RP1: variants seen among roughly 807,000 people sequenced by gnomAD.
RP1 encodes RP1 axonemal microtubule associated.
A neutral mutation model predicts 14.8 loss-of-function variants in RP1; 16 were observed. That is an observed-to-expected ratio of 1.08 (90% CI 0.73 to 1.65). The LOEUF (loss-of-function observed/expected upper bound fraction) is 1.65, where lower values mean the gene tolerates loss of function less well. RP1 is among the 40% of genes most tolerant of loss of function. RP1 has a pLI of 0.00. For missense variants in RP1, 2,631 were observed against 2,535.0 expected (o/e 1.04, Z -0.81); for synonymous variants, 876 against 883.6 (o/e 0.99, Z 0.15).
chr8:54,752,804 C>G (rs1304662374), intron 19 of RP1, among the ~76,000 whole-genome samples: 1 of 152,178 alleles, frequency 6.6e-6, no homozygotes, highest in Non-Finnish European at 1.5e-5. Flanking sequence ...AAAACCCATA[C>G]AGATTTAGGG....
At chr8:54,624,443 C>CAAA (rs11332494) in intron 3 of RP1, among the ~76,000 whole-genome samples, 23 of 56,584 alleles carry the variant, frequency 4.1e-4, no homozygotes, top group Admixed American at 1.1e-3. Flanking sequence ...GACTCTGTCT[C>CAAA]AAAAAAAAAA....
exon 22 of RP1, chr8:54,759,046 C>A (rs1380967541): frequency 6.5e-7 from 1 of 1,535,388 alleles, no homozygotes; most frequent in East Asian, 2.4e-5. Flanking sequence ...GAGCCCGGCA[C>A]CACATCCGAG....
chr8:54,587,208 C>T (rs1374189430), intron 1 of RP1, among the ~76,000 whole-genome samples: 3 of 152,118 alleles, frequency 2.0e-5, no homozygotes, highest in Admixed American at 1.3e-4. Flanking sequence ...TGCAGAACAC[C>T]TGAGGTGAGG....
chr8:54,826,133 C>A (rs1002306861), intron 24 of RP1, among the ~76,000 whole-genome samples: 1 of 152,130 alleles, frequency 6.6e-6, no homozygotes, highest in African/African-American at 2.4e-5. Context: ...GAGAAAAAGG[C>A]AGCTTAGCCT....
intron 3 of RP1, among the ~76,000 whole-genome samples, chr8:54,637,470 A>G (rs934282971): frequency 3.3e-5 from 5 of 152,306 alleles, no homozygotes; most frequent in Non-Finnish European, 7.4e-5. Flanking sequence ...TACATTTATA[A>G]CTAGTTTTAA....
At chr8:54,655,270 T>G (rs1806731886) in intron 5 of RP1, among the ~76,000 whole-genome samples, 1 of 152,216 alleles carries the variant, frequency 6.6e-6, no homozygotes, top group Non-Finnish European at 1.5e-5. Flanking sequence ...TATTCACTAT[T>G]TTGTGACATC....
intron 1 of RP1, among the ~76,000 whole-genome samples, chr8:54,595,617 T>G (rs186735761): frequency 6.6e-6 from 1 of 152,318 alleles, no homozygotes; most frequent in East Asian, 1.9e-4. Flanking sequence ...TCCAATAATT[T>G]ATTTGAAATC....
At chr8:54,852,683 A>T in exon 26 of RP1, 2 of 1,232,096 alleles carry the variant, frequency 1.6e-6, no homozygotes, top group African/African-American at 3.1e-5. Context: ...GAAAACGAAG[A>T]CTTCATCAGT....
At chr8:54,870,352 A>G (rs768906293) in exon 29 of RP1, 107 of 156,228 alleles carry the variant, frequency 6.8e-4, no homozygotes, top group Non-Finnish European at 4.5e-4. Context: ...GGTACCTAAT[A>G]ACATTTGATG....
At chr8:54,644,189 AG>A (rs759596483) in intron 3 of RP1, among the ~76,000 whole-genome samples, 2 of 152,196 alleles carry the variant, frequency 1.3e-5, no homozygotes, top group Non-Finnish European at 2.9e-5. Context: ...CCATTCCAAA[AG>A]GAAGAAACTG....
At chr8:54,584,446 G>T (rs1037449448) in intron 1 of RP1, among the ~76,000 whole-genome samples, 1 of 152,216 alleles carries the variant, frequency 6.6e-6, no homozygotes, top group Non-Finnish European at 1.5e-5. Context: ...TGGAATAGGT[G>T]TGGTGTGGTG....
At chr8:54,679,593 C>T (rs759539176) in intron 10 of RP1, 5 of 1,535,916 alleles carry the variant, frequency 3.3e-6, no homozygotes, top group Non-Finnish European at 4.4e-6. Flanking sequence ...TTTATCTTCT[C>T]AGGGCAGAAA....
At chr8:54,738,439 A>G (rs1272874151) in intron 18 of RP1, among the ~76,000 whole-genome samples, 1 of 152,158 alleles carries the variant, frequency 6.6e-6, no homozygotes, top group Non-Finnish European at 1.5e-5. Context: ...TCTTCCTTGA[A>G]CGTAGAACAT....
intron 1 of RP1, among the ~76,000 whole-genome samples, chr8:54,591,772 G>T (rs1805047029): frequency 6.6e-6 from 1 of 152,096 alleles, no homozygotes; most frequent in African/African-American, 2.4e-5. Context: ...CGGCCAGGTG[G>T]GTGGCTCTTC....
intron 25 of RP1, chr8:54,837,732 A>G: frequency 1.0e-6 from 1 of 965,958 alleles, no homozygotes; most frequent in South Asian, 5.4e-5. Flanking sequence ...ATGATTTAGA[A>G]TAGGGGCTGG....
chr8:54,766,663 C>A (rs546653954), intron 22 of RP1, among the ~76,000 whole-genome samples: 1 of 152,158 alleles, frequency 6.6e-6, no homozygotes, highest in Non-Finnish European at 1.5e-5. Flanking sequence ...CTCCTTACCT[C>A]GTTATACATC....
At chr8:54,645,827 CA>C (rs1222684967) in intron 3 of RP1, among the ~76,000 whole-genome samples, 2 of 152,106 alleles carry the variant, frequency 1.3e-5, no homozygotes, top group Non-Finnish European at 2.9e-5. Flanking sequence ...AAAATATTTA[CA>C]GTATAAATTT....
intron 6 of RP1, among the ~76,000 whole-genome samples, chr8:54,662,731 G>A (rs886607552): frequency 4.6e-5 from 7 of 152,092 alleles, no homozygotes; most frequent in East Asian, 3.9e-4. Context: ...GGGGGACTGC[G>A]GAGGAGGAAA....
chr8:54,825,595 G>A (rs1487862669), intron 24 of RP1, among the ~76,000 whole-genome samples: 1 of 152,202 alleles, frequency 6.6e-6, no homozygotes, highest in African/African-American at 2.4e-5. Context: ...CTGTTAGGTG[G>A]AGTGTTCTAT....
Sources: gnomAD v4.1 joint callset for allele counts (sites outside exome capture counted in the v4.1 genomes callset) on GRCh38, gnomAD v4.1.1 for gene constraint, MANE v1.5 for transcripts, NCBI Gene and HGNC (gene_info 2026-07-23, HGNC 2026-07-21) for gene names.